Variants in RCL1 observed in about 807,000 individuals in gnomAD.
RCL1 encodes RNA terminal phosphate cyclase like 1, also known as RNA 3'-terminal phosphate cyclase-like protein.
A neutral mutation model predicts 42.4 loss-of-function variants in RCL1; 24 were observed. The ratio of observed to expected loss-of-function variants is 0.57; its 90% CI spans 0.41 to 0.80. RCL1 has a LOEUF of 0.80. Among genes scored for constraint, RCL1 ranks in the 30% least tolerant of loss-of-function variants. The pLI is 0.00. For synonymous variants in RCL1, 228 were observed against 177.3 expected (o/e 1.29, Z -2.27); for missense variants, 578 against 467.9 (o/e 1.24, Z -2.17).
chr9:4,796,068 A>G (rs577232532), intron 1 of RCL1, among the ~76,000 whole-genome samples: 49 of 152,334 alleles, frequency 3.2e-4, no homozygotes, highest in Non-Finnish European at 5.9e-4. Context: ...CATTGTTTGC[A>G]AAATAAACAG....
Position 4,826,957 on chromosome 9 carries a change from T to C in RCL1, c.308T>C (p.Leu103Pro). ...ATTGGGTATTACCTGGAGAGTCTTCTTTGCTTGGCTCCATTTATGAAGCAC... is the reference window on the plus strand; with the variant it reads ...ATTGGGTATTACCTGGAGAGTCTTCCTTGCTTGGCTCCATTTATGAAGCAC... ...RGIGYYLESL[L>P]CLAPFMKHPL... The change falls in exon 3 of 9, where the codon CTT becomes CCT. Residue 103 changes from leucine (L) to proline (P), a missense_variant. By Grantham distance (98) the Leu-to-Pro change is moderately conservative. Coordinates refer to ENST00000381750, the MANE Select transcript of RCL1 (RefSeq NM_005772.5). 6.2e-7 allele frequency: 1 copy of C among 1,614,222 alleles called. No homozygotes were observed. The highest frequency in any genetic ancestry group is 8.5e-7 in the Non-Finnish European group (1 of 1,180,030).
At chr9:4,812,853 T>C (rs1816228646) in intron 1 of RCL1, among the ~76,000 whole-genome samples, 1 of 152,182 alleles carries the variant, frequency 6.6e-6, no homozygotes, top group Admixed American at 6.5e-5. Context: ...CGATTGCTTA[T>C]TGATTTCTTT....
chr9:4,816,398 C>G (rs977768924), intron 1 of RCL1, among the ~76,000 whole-genome samples: 3 of 152,104 alleles, frequency 2.0e-5, no homozygotes, highest in Non-Finnish European at 4.4e-5. Context: ...ACTTTAAAGT[C>G]TTCTGTTTTA....
chr9:4,839,910 G>T, intron 5 of RCL1: 2 of 985,714 alleles, frequency 2.0e-6, no homozygotes, highest in South Asian at 4.7e-5. Flanking sequence ...GGTTTCAGGA[G>T]AGAGATTGGG....
intron 1 of RCL1, among the ~76,000 whole-genome samples, chr9:4,807,542 A>G (rs1041596002): frequency 1.3e-5 from 2 of 152,008 alleles, no homozygotes; most frequent in Admixed American, 1.3e-4. Flanking sequence ...TTTTTGAGAC[A>G]GAGTTTCACT....
intron 3 of RCL1, among the ~76,000 whole-genome samples, chr9:4,828,974 C>G (rs183920267): frequency 1.3e-5 from 2 of 152,172 alleles, no homozygotes; most frequent in Non-Finnish European, 2.9e-5. Context: ...CATTCCATGG[C>G]TCCTTCATTT....
chr9:4,822,551 C>G (rs949728314), intron 1 of RCL1, among the ~76,000 whole-genome samples: 15 of 152,166 alleles, frequency 9.9e-5, no homozygotes, highest in African/African-American at 3.6e-4. Flanking sequence ...GGCTTGGTGG[C>G]TCACGACTGT....
At chr9:4,793,428 A>G (rs1842864365) in intron 1 of RCL1, among the ~76,000 whole-genome samples, 1 of 152,144 alleles carries the variant, frequency 6.6e-6, no homozygotes, top group South Asian at 2.1e-4. Flanking sequence ...GGGAGCGCTC[A>G]GCTGCAAGCT....
intron 1 of RCL1, among the ~76,000 whole-genome samples, chr9:4,808,495 A>C (rs1367817136): frequency 6.6e-6 from 1 of 151,838 alleles, no homozygotes; most frequent in African/African-American, 2.4e-5. Flanking sequence ...TTTTGTAGAG[A>C]CAGGGTTTCG....
intron 1 of RCL1, among the ~76,000 whole-genome samples, chr9:4,795,924 G>C (rs75408179): frequency 1.6e-4 from 24 of 152,132 alleles, no homozygotes; most frequent in Non-Finnish European, 3.1e-4. Flanking sequence ...TGAGTAACTT[G>C]AAGTAGGAAG....
At chr9:4,850,778 A>G (rs773974945) in intron 8 of RCL1, among the ~76,000 whole-genome samples, 1 of 152,140 alleles carries the variant, frequency 6.6e-6, no homozygotes, top group Non-Finnish European at 1.5e-5. Flanking sequence ...CCCTAGGTAC[A>G]GAGACTCGCT....
intron 3 of RCL1, among the ~76,000 whole-genome samples, chr9:4,829,389 G>T (rs1322408438): frequency 6.6e-6 from 1 of 152,192 alleles, no homozygotes; most frequent in Non-Finnish European, 1.5e-5. Flanking sequence ...TTCTGTCCTG[G>T]TTGCAATAAA....
At chr9:4,821,725 C>T (rs1187130581) in intron 1 of RCL1, among the ~76,000 whole-genome samples, 1 of 152,162 alleles carries the variant, frequency 6.6e-6, no homozygotes, top group Non-Finnish European at 1.5e-5. Flanking sequence ...GGTGATCCTC[C>T]CACCTCAGCC....
chr9:4,812,541 A>C (rs553696031), intron 1 of RCL1, among the ~76,000 whole-genome samples: 1 of 152,218 alleles, frequency 6.6e-6, no homozygotes, highest in Admixed American at 6.5e-5. Flanking sequence ...TGGGATTACA[A>C]AGTTTGTAGT....
intron 5 of RCL1, among the ~76,000 whole-genome samples, chr9:4,836,009 C>G (rs144086147): frequency 6.6e-6 from 1 of 151,954 alleles, no homozygotes; most frequent in Non-Finnish European, 1.5e-5. Context: ...CAGTTGTTAC[C>G]GAGTTAGGAT....
intron 8 of RCL1, among the ~76,000 whole-genome samples, chr9:4,853,163 A>G (rs552934949): frequency 2.4e-4 from 36 of 152,164 alleles, no homozygotes; most frequent in African/African-American, 8.2e-4. Context: ...TCATAACTTC[A>G]TAAGGGCAAA....
At chr9:4,814,500 A>G (rs547456407) in intron 1 of RCL1, among the ~76,000 whole-genome samples, 1 of 152,120 alleles carries the variant, frequency 6.6e-6, no homozygotes, top group Non-Finnish European at 1.5e-5. Context: ...ACTCCTGGGC[A>G]TGATCATCCT....
chr9:4,824,748 T>C (rs190716072), intron 2 of RCL1, among the ~76,000 whole-genome samples: 6 of 152,346 alleles, frequency 3.9e-5, no homozygotes, highest in Admixed American at 3.9e-4. Flanking sequence ...GATCTATAGC[T>C]GCATTCAGCC....
intron 1 of RCL1, among the ~76,000 whole-genome samples, chr9:4,806,017 G>GTGT (rs1815938472): frequency 1.4e-5 from 2 of 142,740 alleles, no homozygotes; most frequent in Admixed American, 6.9e-5. Flanking sequence ...ATACCATTGG[G>GTGT]GTGTGTGTGT....
Sources: gnomAD v4.1 joint callset for allele counts (sites outside exome capture counted in the v4.1 genomes callset) on GRCh38, gnomAD v4.1.1 for gene constraint, MANE v1.5 for transcripts, NCBI Gene and HGNC (gene_info 2026-07-23, HGNC 2026-07-21) for gene names.